ANKRD18A: variants seen among roughly 807,000 people sequenced by gnomAD.
ANKRD18A encodes ankyrin repeat domain-containing protein 18A.
ANKRD18A carries 72 observed loss-of-function variants against 110.6 expected under a neutral mutation model. That is an observed-to-expected ratio of 0.65 (90% CI 0.54 to 0.79). The LOEUF is 0.79. Among genes scored for constraint, ANKRD18A ranks in the 30% least tolerant of loss-of-function variants. The pLI, the probability that ANKRD18A is intolerant of heterozygous loss-of-function variation, is 0.00. For synonymous variants in ANKRD18A, 305 were observed against 410.3 expected, an observed-to-expected ratio of 0.74 and a Z score of 3.10; for missense variants, 934 against 1,163.3, an observed-to-expected ratio of 0.80 and a Z score of 2.87.
chr9:38,603,477 C>T (rs931352154), intron 6 of ANKRD18A, among the ~76,000 whole-genome samples: 3 of 152,194 alleles, frequency 2.0e-5, no homozygotes, highest in Non-Finnish European at 2.9e-5. Flanking sequence ...CTGCAGACCA[C>T]AGGCCAAATC....
Position 38,595,984 on chromosome 9 carries a change from A to G in ANKRD18A, c.1356T>C (p.Val452=), listed in dbSNP as rs770173970. The change falls in exon 9 of 16, where the codon GTT becomes GTC. Residue 452 remains valine (V), a synonymous_variant. Transcript: ENST00000399703. ...LELVLWRADD[V]SRHEKMGSNI... ...TAGAACCCATTTTTTCATGTCTAGAAACATCATCTGCTCTCCATAAAACTA... is the reference window on the plus strand; with the variant it reads ...TAGAACCCATTTTTTCATGTCTAGAGACATCATCTGCTCTCCATAAAACTA... 3.9e-6 allele frequency: 6 copies of G among 1,550,134 alleles called. No individual in the cohort carries two copies. The highest frequency in any genetic ancestry group is 4.4e-6 in the Non-Finnish European group (5 of 1,146,304).
chr9:38,593,407 T>G (rs943022808), intron 10 of ANKRD18A, among the ~76,000 whole-genome samples: 1 of 152,226 alleles, frequency 6.6e-6, no homozygotes, highest in Admixed American at 6.5e-5. Context: ...TGCTGGAATA[T>G]TCCATTAAAC....
At chr9:38,613,325 T>A (rs974368352) in intron 3 of ANKRD18A, among the ~76,000 whole-genome samples, 2 of 152,114 alleles carry the variant, frequency 1.3e-5, no homozygotes, top group Non-Finnish European at 2.9e-5. Context: ...GTTGACTCAA[T>A]TCAAAGAGGC....
At chr9:38,587,874 G>C (rs968406314) in intron 11 of ANKRD18A, among the ~76,000 whole-genome samples, 137 of 152,290 alleles carry the variant, frequency 9.0e-4, no homozygotes, top group African/African-American at 3.2e-3. Context: ...TGGATCATGA[G>C]GTCAGGAGTT....
chr9:38,620,496 A>C lies in ANKRD18A; in HGVS notation c.-211T>G. ...TCCAGCCCGGTCCACCACAGCCTTC[A>C]GCAGCGACACTCGCAGACTCCGACC... On this transcript the variant is annotated 5_prime_UTR_variant, in exon 1 of 16. Coordinates refer to ENST00000399703, the MANE Select transcript of ANKRD18A (RefSeq NM_147195.4). The C allele has an allele frequency of 7.1e-7, 1 of 1,417,042 alleles. No homozygotes were observed. The highest frequency in any genetic ancestry group is 9.2e-7 in the Non-Finnish European group (1 of 1,086,970). The allele number at this position is 1,417,042 out of a possible 1,614,324, so 87.8% of individuals were successfully genotyped here.
intron 7 of ANKRD18A, among the ~76,000 whole-genome samples, chr9:38,601,601 T>A (rs1371086716): frequency 6.6e-6 from 1 of 152,224 alleles, no homozygotes; most frequent in Non-Finnish European, 1.5e-5. Context: ...ATTTGCAAAA[T>A]TTTTGTTACT....
At position 38,585,718 on chromosome 9, in the gene ANKRD18A, A is replaced by G. The variant is rs543102044; in HGVS notation, c.2247+465T>C. ...TGAAGACACATGTATTTGTATGTTCATTGCAGCACTATTCACAATAGCAAA... is the reference window on the plus strand; with the variant it reads ...TGAAGACACATGTATTTGTATGTTCGTTGCAGCACTATTCACAATAGCAAA... On this transcript the variant is annotated intron_variant, in intron 12 of 15. Transcript: ENST00000399703. Among the ~76,000 whole-genome samples, 8 of 152,326 alleles carry G rather than the reference A, an allele frequency of 5.3e-5. 1 individual carries two copies. In the South Asian group the frequency reaches 6.2e-4, roughly 12 times the overall value.
intron 8 of ANKRD18A, among the ~76,000 whole-genome samples, chr9:38,598,470 A>G (rs1824984159): frequency 6.6e-6 from 1 of 152,200 alleles, no homozygotes; most frequent in Non-Finnish European, 1.5e-5. Flanking sequence ...TTGAGTAGAA[A>G]ACCAGAACGG....
rs1488346207 is a variant in ANKRD18A at position 38,607,469 on chromosome 9, A to G, written c.765T>C (p.His255=). The change falls in exon 6 of 16, where the codon CAT becomes CAC. Residue 255 remains histidine, a synonymous_variant. Transcript: ENST00000399703. ...GATGATTTTTAAGCATTTTATTTTT[A>G]TGTTCCAAAATTTGTTGTCGGATGC... ...LRSIRQQILE[H]KNKMLKNHLR... The G allele has an allele frequency of 6.7e-7, 1 of 1,502,384 alleles. No individual in the cohort carries two copies. The highest frequency in any genetic ancestry group is 1.4e-5 in the African/African-American group (1 of 70,300). The allele number at this position is 1,502,384 out of a possible 1,614,324, so 93.1% of individuals were successfully genotyped here.
intron 5 of ANKRD18A, among the ~76,000 whole-genome samples, chr9:38,609,915 T>C (rs1342982508): frequency 7.5e-6 from 1 of 132,950 alleles, no homozygotes; most frequent in African/African-American, 2.9e-5. Flanking sequence ...CTCAGGAACA[T>C]GAGCAACATA....
Position 38,596,371 on chromosome 9 carries a change from C to T in ANKRD18A, c.969G>A (p.Ala323=), listed in dbSNP as rs1210983694. The change falls in exon 9 of 16, where the codon GCG becomes GCA. Residue 323 remains alanine, a synonymous_variant. Transcript: ENST00000399703. ...DSQSYGKKKD[A]MYGNFMLKKD... The stretch of plus-strand genomic sequence containing the variant: ...TCTTCAACATAAAATTTCCATACAT[C>T]GCATCCTTCTTTTTTCCGTAACTTT... 21 of 1,462,494 alleles carry T rather than the reference C, an allele frequency of 1.4e-5. No individual in the cohort carries two copies. The South Asian group carries it at 1.9e-4, about 13-fold the overall frequency. 90.6% of individuals were successfully genotyped at this position (1,462,494 alleles called of 1,614,324 possible). A position where few individuals can be genotyped will look rare whatever the true frequency, so the allele number is the denominator to read the frequency against.
At chr9:38,615,026 C>T (rs1825790879) in intron 3 of ANKRD18A, among the ~76,000 whole-genome samples, 1 of 152,196 alleles carries the variant, frequency 6.6e-6, no homozygotes, top group East Asian at 1.9e-4. Context: ...TACCCCAAAG[C>T]TGAAGAGCGC....
intron 10 of ANKRD18A, among the ~76,000 whole-genome samples, chr9:38,590,871 G>T (rs1288612230): frequency 6.6e-6 from 1 of 152,056 alleles, no homozygotes; most frequent in Non-Finnish European, 1.5e-5. Context: ...GTTTAAAGCT[G>T]CCCCTTATTA....
chr9:38,584,980 C>G (rs1824319539), intron 12 of ANKRD18A, among the ~76,000 whole-genome samples: 1 of 152,094 alleles, frequency 6.6e-6, no homozygotes, highest in African/African-American at 2.4e-5. Flanking sequence ...TATTTTACCC[C>G]CAAATATATA....
Position 38,572,016 on chromosome 9 carries a change from T to C in ANKRD18A, c.*29A>G, listed in dbSNP as rs908269525. ...TTAGATGTGGCTTACCAGTGGATTC[T>C]ACAAAAGAAAGTAGACGGGAGCAAG... On this transcript the variant is annotated 3_prime_UTR_variant, in exon 16 of 16. Coordinates refer to ENST00000399703, the MANE Select transcript of ANKRD18A (RefSeq NM_147195.4). 8 of 1,588,478 alleles carry C rather than the reference T, an allele frequency of 5.0e-6. No homozygotes were observed. Among genetic ancestry groups the C allele is most frequent in the Non-Finnish European group, 6.8e-6 (8 of 1,172,552 alleles).
intron 6 of ANKRD18A, among the ~76,000 whole-genome samples, chr9:38,603,733 C>T (rs7859721): frequency 0.034 from 5,149 of 152,166 alleles, 131 homozygotes; most frequent in African/African-American, 0.069. Context: ...ATACCCTGAA[C>T]AGAATGCCCT....
intron 12 of ANKRD18A, among the ~76,000 whole-genome samples, chr9:38,579,694 T>C (rs1824068020): frequency 1.3e-5 from 2 of 152,208 alleles, no homozygotes; most frequent in African/African-American, 4.8e-5. Flanking sequence ...TGGTGAGGTT[T>C]CAGAGAACAG....
chr9:38,567,284 C>A (rs1296492358), downstream of ANKRD18A: 2 of 152,216 alleles, frequency 1.3e-5, no homozygotes, highest in Middle Eastern at 3.2e-3. Context: ...ACAAAGCCAT[C>A]CTTGTACTAC....
intron 8 of ANKRD18A, among the ~76,000 whole-genome samples, chr9:38,599,588 C>T (rs1587521666): frequency 1.3e-5 from 2 of 152,044 alleles, no homozygotes; most frequent in Non-Finnish European, 2.9e-5. Context: ...CCTCAGCCTC[C>T]CGAGTAGCTG....
Sources: gnomAD v4.1 joint callset for allele counts (sites outside exome capture counted in the v4.1 genomes callset) on GRCh38, gnomAD v4.1.1 for gene constraint, MANE v1.5 for transcripts, NCBI Gene and HGNC (gene_info 2026-07-23, HGNC 2026-07-21) for gene names.